The following LINC01488 variants were observed in gnomAD, a reference collection of about 807,000 sequenced individuals.
LINC01488 encodes the protein long independently transcribed non-coding RNA 1488, also known as CCND1-upstream intergenic DNA repair 1.
chr11:69,482,607 GTGGATGGATGGGTAAA>G (rs1056874592), intron 1 of LINC01488, among the ~76,000 whole-genome samples: 2 of 151,852 alleles, frequency 1.3e-5, no homozygotes, highest in Admixed American at 6.6e-5. Context: ...GAATGGATGA[GTGGATGGATGGGTAAA>G]TGGATGGATG....
At chr11:69,489,333 T>C (rs1857178179) in intron 1 of LINC01488, among the ~76,000 whole-genome samples, 1 of 152,182 alleles carries the variant, frequency 6.6e-6, no homozygotes, top group Non-Finnish European at 1.5e-5. Flanking sequence ...TCCTTCTGCC[T>C]CCCTGGACAC....
At chr11:69,489,641 C>A (rs1021104493) in intron 1 of LINC01488, among the ~76,000 whole-genome samples, 1 of 152,272 alleles carries the variant, frequency 6.6e-6, no homozygotes, top group Non-Finnish European at 1.5e-5. Flanking sequence ...GTAGCGGGTG[C>A]TCCAAGGGCC....
intron 3 of LINC01488, chr11:69,491,591 G>A (rs1456210036): frequency 6.6e-6 from 1 of 152,362 alleles, no homozygotes; most frequent in African/African-American, 2.4e-5. Flanking sequence ...CCAGCCCTGG[G>A]CCCTTGGTAT....
At chr11:69,492,060 A>C (rs1190890824) in intron 3 of LINC01488, 2 of 152,298 alleles carry the variant, frequency 1.3e-5, no homozygotes, top group East Asian at 1.9e-4. Flanking sequence ...TTTTCCTTGA[A>C]GACAGGAACT....
chr11:69,490,004 C>A (rs374033201), intron 1 of LINC01488, among the ~76,000 whole-genome samples: 1 of 152,196 alleles, frequency 6.6e-6, no homozygotes, highest in Admixed American at 6.5e-5. Flanking sequence ...GAGTGTCTGA[C>A]AATTCTTCCC....
intron 1 of LINC01488, chr11:69,485,492 G>A (rs78563794): frequency 9.9e-5 from 15 of 152,266 alleles, no homozygotes; most frequent in African/African-American, 3.1e-4. Context: ...GCAACACTGC[G>A]GATGAGGTGG....
rs776814385 is a variant in LINC01488 at position 69,487,082 on chromosome 11, G to A, written n.123-3413G>A. On this transcript the variant is annotated intron_variant and non_coding_transcript_variant, in intron 1 of 3. Transcript: ENST00000644563. ...AAGGCTTGCAAGCGCATTCCCAGGT[G>A]GCCTGGGGCGGCTGCCGCCTCCCGC... Among the ~76,000 whole-genome samples, 281 of 152,352 alleles carry A rather than the reference G, an allele frequency of 1.8e-3. 1 individual carries two copies. The highest frequency in any genetic ancestry group is 3.8e-3 in the Non-Finnish European group (256 of 68,024).
intron 1 of LINC01488, among the ~76,000 whole-genome samples, chr11:69,486,817 G>C (rs1211910400): frequency 6.6e-6 from 1 of 152,118 alleles, no homozygotes; most frequent in Admixed American, 6.5e-5. Context: ...GCCCCAGGAC[G>C]GCTGCCTGGC....
At chr11:69,491,694 C>G (rs1290094231) in intron 3 of LINC01488, 1 of 152,584 alleles carries the variant, frequency 6.6e-6, no homozygotes, top group South Asian at 2.1e-4. Context: ...CTGCATGTGC[C>G]GCACCAATCT....
intron 1 of LINC01488, chr11:69,490,359 G>C (rs1405334276): frequency 1.3e-5 from 2 of 152,320 alleles, no homozygotes; most frequent in Non-Finnish European, 2.9e-5. Flanking sequence ...CAAAGAACCT[G>C]AAAAGTCAAT....
At chr11:69,482,511 G>A (rs1357319469) in intron 1 of LINC01488, among the ~76,000 whole-genome samples, 1 of 151,936 alleles carries the variant, frequency 6.6e-6, no homozygotes, top group Non-Finnish European at 1.5e-5. Context: ...TGGATGAGTG[G>A]ATGGACGGAT....
chr11:69,484,051 A>G (rs1857077520), intron 1 of LINC01488, among the ~76,000 whole-genome samples: 1 of 152,220 alleles, frequency 6.6e-6, no homozygotes, highest in African/African-American at 2.4e-5. Context: ...TCAGGTTCCC[A>G]GCTGCGAAGT....
At chr11:69,488,951 C>G (rs1346666224) in intron 1 of LINC01488, among the ~76,000 whole-genome samples, 2 of 152,204 alleles carry the variant, frequency 1.3e-5, no homozygotes, top group African/African-American at 2.4e-5. Flanking sequence ...GGGGCCAAAG[C>G]CACCTCTGCC....
At chr11:69,487,184 T>A (rs1322486790) in intron 1 of LINC01488, among the ~76,000 whole-genome samples, 1 of 152,022 alleles carries the variant, frequency 6.6e-6, no homozygotes, top group East Asian at 1.9e-4. Context: ...TCCCCAAGGC[T>A]TGGGTGCGGT....
rs147114720 is a variant in LINC01488, at chr11:69,482,574, G to C, written n.122+791G>C. Among the ~76,000 whole-genome samples the C allele has an allele frequency of 8.0e-3, 1,211 of 151,910 alleles. 19 individuals carry two copies. Among genetic ancestry groups the C allele is most frequent in the African/African-American group, 0.028 (1,158 of 41,350 alleles). On this transcript the variant is annotated intron_variant and non_coding_transcript_variant, in intron 1 of 3. Coordinates refer to ENST00000644563, the Ensembl canonical transcript of LINC01488. ...GGATGAGTAGGTGGATGGATGAGTA[G>C]GTGGATGGATGAGTAGGTGGATGAA...
chr11:69,485,297 CCT>C (rs1459342932), intron 1 of LINC01488, among the ~76,000 whole-genome samples: 1 of 152,192 alleles, frequency 6.6e-6, no homozygotes, highest in African/African-American at 2.4e-5. Flanking sequence ...CTTCTCATCC[CCT>C]CTCAGTCGAG....
chr11:69,483,415 A>G (rs1402056017), intron 1 of LINC01488, among the ~76,000 whole-genome samples: 9 of 152,230 alleles, frequency 5.9e-5, no homozygotes, highest in Non-Finnish European at 8.8e-5. Context: ...AAGTAGGATC[A>G]TGATATGCCC....
At chr11:69,487,927 C>T (rs1407403364) in intron 1 of LINC01488, 1 of 152,336 alleles carries the variant, frequency 6.6e-6, no homozygotes, top group Non-Finnish European at 1.5e-5. Context: ...ATGGGAGCCG[C>T]CTTAGAGATC....
chr11:69,489,242 C>T (rs781193052), intron 1 of LINC01488, among the ~76,000 whole-genome samples: 2 of 152,112 alleles, frequency 1.3e-5, no homozygotes, highest in South Asian at 4.1e-4. Context: ...GCAGACCACA[C>T]TGTGACCCCG....
Sources: gnomAD v4.1 joint callset for allele counts (sites outside exome capture counted in the v4.1 genomes callset) on GRCh38, gnomAD v4.1.1 for gene constraint, MANE v1.5 for transcripts, NCBI Gene and HGNC (gene_info 2026-07-23, HGNC 2026-07-21) for gene names.